The following GRID2 variants were observed in gnomAD, a reference collection of about 807,000 sequenced individuals.
GRID2 encodes glutamate ionotropic receptor delta type subunit 2.
Under a neutral mutation model 114.8 loss-of-function variants are expected in GRID2, and 33 were observed. That is an observed-to-expected ratio of 0.29 (90% CI 0.22 to 0.38). The LOEUF (loss-of-function observed/expected upper bound fraction) is 0.38, where lower values mean the gene tolerates loss of function less well. Ranked by LOEUF, GRID2 falls within the 10% of genes least tolerant of loss-of-function variation. The pLI is 1.00. For synonymous variants in GRID2, 505 were observed against 449.9 expected, an observed-to-expected ratio of 1.12 and a Z score of -1.55; for missense variants, 1,184 against 1,257.7, an observed-to-expected ratio of 0.94 and a Z score of 0.89.
At chr4:92,483,618 A>T (rs1722721053) in intron 1 of GRID2, among the ~76,000 whole-genome samples, 1 of 152,176 alleles carries the variant, frequency 6.6e-6, no homozygotes, top group Non-Finnish European at 1.5e-5. Context: ...GAGCAATCAG[A>T]TTTCAGAATG....
At chr4:92,760,320 A>G (rs555184184) in intron 2 of GRID2, among the ~76,000 whole-genome samples, 248 of 152,032 alleles carry the variant, frequency 1.6e-3, no homozygotes, top group African/African-American at 5.8e-3. Flanking sequence ...TTCCACCCAG[A>G]TCTCCTTTCA....
chr4:92,513,749 C>T lies in GRID2; in HGVS notation c.89-76382C>T, dbSNP rs552160110. Among the ~76,000 whole-genome samples, 15 of 151,922 alleles carry T rather than the reference C, an allele frequency of 9.9e-5. No homozygotes were observed. In the South Asian group the frequency reaches 3.1e-3, roughly 31 times the overall value. ...CCTCTTCCTTGCATAGTGCTGGATA[C>T]TGTAGTCTGTACTCAGAAATATTTA... On this transcript the variant is annotated intron_variant, in intron 1 of 15. Coordinates refer to ENST00000282020, the MANE Select transcript of GRID2 (RefSeq NM_001510.4).
chr4:93,080,099 C>G (rs1268994832), intron 2 of GRID2, among the ~76,000 whole-genome samples: 1 of 152,022 alleles, frequency 6.6e-6, no homozygotes, highest in African/African-American at 2.4e-5. Context: ...AATGTCACAT[C>G]TCAGATGGTT....
chr4:92,417,801 G>A (rs1204555422), intron 1 of GRID2, among the ~76,000 whole-genome samples: 2 of 152,154 alleles, frequency 1.3e-5, no homozygotes, highest in African/African-American at 4.8e-5. Flanking sequence ...GGACCCAGTA[G>A]GAAGTAATTG....
At chr4:93,187,754 A>G (rs550965207) in intron 4 of GRID2, among the ~76,000 whole-genome samples, 5 of 152,348 alleles carry the variant, frequency 3.3e-5, no homozygotes, top group African/African-American at 1.2e-4. Context: ...ACATACAATG[A>G]TTGGACAGAC....
intron 1 of GRID2, among the ~76,000 whole-genome samples, chr4:92,540,529 G>A (rs1052545162): frequency 1.2e-4 from 18 of 152,120 alleles, no homozygotes; most frequent in Admixed American, 1.0e-3. Flanking sequence ...GCAGCCAAAA[G>A]ACACATGAAG....
intron 13 of GRID2, among the ~76,000 whole-genome samples, chr4:93,617,759 T>C (rs1334238379): frequency 6.6e-6 from 1 of 152,080 alleles, no homozygotes; most frequent in Non-Finnish European, 1.5e-5. Flanking sequence ...TACTCATGAA[T>C]ACAATGTGCT....
In GRID2 at chr4:92,879,430, C is replaced by T. The variant is rs185864118; in HGVS notation, c.245-205565C>T. On this transcript the variant is annotated intron_variant, in intron 2 of 15. Transcript: ENST00000282020. ...CATCTAAGCCCACAATAAACATTAG[C>T]CCTAATAAGTGCTAAGCAGTCTTCT... Among the ~76,000 whole-genome samples, 256 of 152,286 alleles carry T rather than the reference C, an allele frequency of 1.7e-3. 1 individual carries two copies. Among genetic ancestry groups the T allele is most frequent in the Non-Finnish European group, 9.0e-4 (61 of 68,016 alleles).
At chr4:92,485,668 C>T (rs966468205) in intron 1 of GRID2, among the ~76,000 whole-genome samples, 2 of 150,860 alleles carry the variant, frequency 1.3e-5, no homozygotes, top group African/African-American at 2.4e-5. Flanking sequence ...CCAGCCTGGG[C>T]GACAGAATGA....
intron 2 of GRID2, among the ~76,000 whole-genome samples, chr4:92,998,685 AT>A (rs963089184): frequency 4.5e-4 from 66 of 147,090 alleles, no homozygotes; most frequent in East Asian, 2.4e-3. Flanking sequence ...CTCTTGTCAG[AT>A]TTTTTTTTTT....
rs34621988 is a variant in GRID2, at chr4:92,324,596, GAC to G, written c.88+19877_88+19878del. On this transcript the variant is annotated intron_variant, in intron 1 of 15. Coordinates refer to ENST00000282020, the MANE Select transcript of GRID2 (RefSeq NM_001510.4). The stretch of plus-strand genomic sequence containing the variant: ...TTTTATATACACATACATACATACA[GAC>G]ACACACACACACACACACACACACT... Among the ~76,000 whole-genome samples the G allele has an allele frequency of 1.7e-3, 249 of 148,122 alleles. 1 individual carries two copies. The highest frequency in any genetic ancestry group is 4.2e-3 in the African/African-American group (170 of 40,450).
intron 14 of GRID2, among the ~76,000 whole-genome samples, chr4:93,710,449 G>A (rs913910930): frequency 8.5e-5 from 13 of 152,120 alleles, no homozygotes; most frequent in Non-Finnish European, 1.6e-4. Context: ...CTCTTTCTAC[G>A]GTGAGCTGCT....
At chr4:93,072,188 T>C (rs1409762215) in intron 2 of GRID2, among the ~76,000 whole-genome samples, 1 of 152,150 alleles carries the variant, frequency 6.6e-6, no homozygotes, top group South Asian at 2.1e-4. Context: ...TATTAAACTC[T>C]AATTTTTTTC....
At chr4:92,535,091 C>T (rs116786493) in intron 1 of GRID2, among the ~76,000 whole-genome samples, 2,014 of 152,146 alleles carry the variant, frequency 0.013, 24 homozygotes, top group Non-Finnish European at 0.021. Context: ...GCTAACTATC[C>T]AGTTTTGACA....
rs188258413 is a variant in GRID2, at chr4:93,219,128, G to T, written c.963+2217G>T. Among the ~76,000 whole-genome samples the T allele has an allele frequency of 4.9e-3, 747 of 152,088 alleles. 7 individuals are homozygous for T. Among genetic ancestry groups the T allele is most frequent in the African/African-American group, 0.017 (721 of 41,496 alleles). ...AACTGGTCATGGATATAATTGATGT[G>T]AAAATGATAGAATTCTAAATAGAAA... On this transcript the variant is annotated intron_variant, in intron 6 of 15. Coordinates refer to ENST00000282020, the MANE Select transcript of GRID2 (RefSeq NM_001510.4).
chr4:93,214,037 T>C (rs1437750389), intron 5 of GRID2, among the ~76,000 whole-genome samples: 1 of 152,056 alleles, frequency 6.6e-6, no homozygotes, highest in East Asian at 1.9e-4. Context: ...ATTCTACTTT[T>C]ATGAATATAC....
At chr4:92,682,584 T>C (rs1008183746) in intron 2 of GRID2, among the ~76,000 whole-genome samples, 16 of 152,114 alleles carry the variant, frequency 1.1e-4, no homozygotes, top group African/African-American at 3.9e-4. Flanking sequence ...CTGTTTGTTA[T>C]TGGTGAACGA....
At chr4:93,741,646 G>GGCCGA (rs1418598475) in intron 14 of GRID2, among the ~76,000 whole-genome samples, 3 of 152,142 alleles carry the variant, frequency 2.0e-5, no homozygotes, top group Non-Finnish European at 2.9e-5. Flanking sequence ...TAAAAGTGTT[G>GGCCGA]GCCGAGCACA....
chr4:93,115,092 TTGTGTG>T (rs546827152), intron 4 of GRID2, among the ~76,000 whole-genome samples: 47 of 142,784 alleles, frequency 3.3e-4, no homozygotes, highest in African/African-American at 9.1e-4. Flanking sequence ...CTGTGTGTGC[TTGTGTG>T]TGTGTGTGTG....
Sources: gnomAD v4.1 joint callset for allele counts (sites outside exome capture counted in the v4.1 genomes callset) on GRCh38, gnomAD v4.1.1 for gene constraint, MANE v1.5 for transcripts, NCBI Gene and HGNC (gene_info 2026-07-23, HGNC 2026-07-21) for gene names.